Variants in CWC27 observed in about 807,000 individuals in gnomAD.
CWC27 encodes the protein spliceosome-associated protein CWC27 homolog.
CWC27 carries 47 observed loss-of-function variants against 63.6 expected under a neutral mutation model. The ratio of observed to expected loss-of-function variants is 0.74; its 90% confidence interval spans 0.58 to 0.94. CWC27 has a LOEUF of 0.94. CWC27 is among the 40% of genes least tolerant of loss of function. CWC27 has a pLI of 0.00. For missense variants in CWC27, 495 were observed against 554.3 expected, an observed-to-expected ratio of 0.89 and a Z score of 1.07; for synonymous variants, 175 against 179.8, an observed-to-expected ratio of 0.97 and a Z score of 0.22.
chr5:64,773,682 T>A (rs1743342529), intron 1 of CWC27, among the ~76,000 whole-genome samples: 1 of 152,240 alleles, frequency 6.6e-6, no homozygotes. Flanking sequence ...GAAGTAATAC[T>A]GGAGAAATTG....
At chr5:64,930,980 G>A (rs1332985481) in intron 11 of CWC27, among the ~76,000 whole-genome samples, 4 of 152,124 alleles carry the variant, frequency 2.6e-5, no homozygotes, top group African/African-American at 7.2e-5. Flanking sequence ...TAAAAAGAAA[G>A]GCTTAGGAGT....
intron 11 of CWC27, among the ~76,000 whole-genome samples, chr5:64,923,132 G>T (rs1277443657): frequency 6.6e-6 from 1 of 152,200 alleles, no homozygotes; most frequent in Non-Finnish European, 1.5e-5. Flanking sequence ...GCAGTGGCAG[G>T]TCAGAGGTGA....
chr5:64,985,023 C>T (rs796100379), intron 13 of CWC27, among the ~76,000 whole-genome samples: 6 of 152,212 alleles, frequency 3.9e-5, no homozygotes, highest in African/African-American at 1.4e-4. Flanking sequence ...TCCAATTATT[C>T]CAGTACCATT....
rs768188430 is a variant in CWC27 at position 64,800,320 on chromosome 5, G to A, written c.742G>A (p.Val248Ile). Residue 248 changes from valine to isoleucine, a missense_variant, in exon 8 of 14, where the codon GTA becomes ATA. Physicochemically the swap from Val to Ile is conservative, Grantham distance 29. Coordinates refer to ENST00000381070, the MANE Select transcript of CWC27 (RefSeq NM_005869.4). The stretch of plus-strand genomic sequence containing the variant: ...TCCACATCTCAGTTCTGTTCCAGTT[G>A]TAGAAAGGTTAGTCCATTGTTGGTA... Reference protein sequence around the residue: ...DDPHLSSVPVVESEKGDAPDL... With the variant: ...DDPHLSSVPVIESEKGDAPDL... 1 of 1,607,374 alleles carries A rather than the reference G, an allele frequency of 6.2e-7. No homozygotes were observed. The highest frequency in any genetic ancestry group is 1.1e-5 in the South Asian group (1 of 90,368).
intron 10 of CWC27, among the ~76,000 whole-genome samples, chr5:64,829,030 G>A (rs975783057): frequency 1.3e-5 from 2 of 152,080 alleles, no homozygotes; most frequent in Admixed American, 1.3e-4. Context: ...TCATGCAAAT[G>A]ATAATATCAA....
At chr5:64,963,136 ATT>A in intron 11 of CWC27, among the ~76,000 whole-genome samples, 1 of 151,518 alleles carries the variant, frequency 6.6e-6, no homozygotes, top group Non-Finnish European at 1.5e-5. Flanking sequence ...TTTTTTTTGT[ATT>A]TTTAGTAGAG....
intron 7 of CWC27, among the ~76,000 whole-genome samples, chr5:64,790,574 C>T (rs548188294): frequency 6.6e-6 from 1 of 152,170 alleles, no homozygotes; most frequent in Non-Finnish European, 1.5e-5. Context: ...AGTTCCCCCA[C>T]CCCTGTTTTT....
At chr5:64,919,274 G>A (rs1747950972) in intron 11 of CWC27, among the ~76,000 whole-genome samples, 1 of 152,182 alleles carries the variant, frequency 6.6e-6, no homozygotes, top group Admixed American at 6.5e-5. Flanking sequence ...AGAAAAATTA[G>A]AAATCTAAAG....
chr5:64,810,067 G>C (rs1171261405), intron 10 of CWC27, among the ~76,000 whole-genome samples: 4 of 151,844 alleles, frequency 2.6e-5, no homozygotes, highest in Admixed American at 2.6e-4. Flanking sequence ...TTGGAGTTGA[G>C]TTTTGCTTAT....
chr5:64,923,152 A>G (rs1412233356), intron 11 of CWC27, among the ~76,000 whole-genome samples: 1 of 152,174 alleles, frequency 6.6e-6, no homozygotes, highest in African/African-American at 2.4e-5. Context: ...AACACTTTCC[A>G]GCAGGACGCT....
chr5:65,015,635 T>C (rs960615893), intron 13 of CWC27, among the ~76,000 whole-genome samples: 2 of 152,204 alleles, frequency 1.3e-5, no homozygotes. Context: ...ATTACAATTT[T>C]AAAGGGTGCA....
chr5:64,971,645 C>A, intron 11 of CWC27, 58 bp from the exon 12 acceptor site: 2 of 1,302,174 alleles, frequency 1.5e-6, no homozygotes, highest in Non-Finnish European at 1.0e-6. Flanking sequence ...ATAAACATTG[C>A]TATGAATCCA....
intron 13 of CWC27, among the ~76,000 whole-genome samples, chr5:65,010,129 G>T (rs567075737): frequency 6.6e-6 from 1 of 152,256 alleles, no homozygotes; most frequent in South Asian, 2.1e-4. Flanking sequence ...AAATTCAAAG[G>T]CAGGAACAAA....
At chr5:64,841,848 G>C (rs1038319198) in intron 10 of CWC27, among the ~76,000 whole-genome samples, 3 of 151,874 alleles carry the variant, frequency 2.0e-5, no homozygotes, top group African/African-American at 7.3e-5. Flanking sequence ...GCTAATTTTT[G>C]TATTCTTTTT....
intron 7 of CWC27, among the ~76,000 whole-genome samples, chr5:64,796,732 G>A (rs1211289105): frequency 6.7e-6 from 1 of 149,862 alleles, no homozygotes; most frequent in Admixed American, 6.7e-5. Flanking sequence ...TGTTGCTCCT[G>A]TGTCCCTTCC....
chr5:64,791,825 C>T (rs961595466), intron 7 of CWC27, among the ~76,000 whole-genome samples: 3 of 152,098 alleles, frequency 2.0e-5, no homozygotes, highest in Non-Finnish European at 2.9e-5. Flanking sequence ...TCAATATCTT[C>T]CAAAGAAGGT....
intron 11 of CWC27, among the ~76,000 whole-genome samples, chr5:64,966,580 A>G (rs935665947): frequency 6.6e-6 from 1 of 152,128 alleles, no homozygotes; most frequent in Admixed American, 6.5e-5. Flanking sequence ...TATCTCACTC[A>G]TATAGTAAAT....
intron 11 of CWC27, among the ~76,000 whole-genome samples, chr5:64,936,576 C>T (rs1474759171): frequency 6.6e-6 from 1 of 151,748 alleles, no homozygotes; most frequent in South Asian, 2.1e-4. Flanking sequence ...TCTGTTGTGT[C>T]TCTGCAGGTT....
At chr5:64,981,659 T>TACAATTTAAG (rs558834867) in intron 13 of CWC27, among the ~76,000 whole-genome samples, 190 of 152,276 alleles carry the variant, frequency 1.2e-3, no homozygotes, top group African/African-American at 4.4e-3. Flanking sequence ...CCAAAGTAAA[T>TACAATTTAAG]ACTTGTCTTT....
Sources: gnomAD v4.1 joint callset for allele counts (sites outside exome capture counted in the v4.1 genomes callset) on GRCh38, gnomAD v4.1.1 for gene constraint, MANE v1.5 for transcripts, NCBI Gene and HGNC (gene_info 2026-07-23, HGNC 2026-07-21) for gene names.